PCDHA1: variants seen among roughly 807,000 people sequenced by gnomAD.
The protein encoded by PCDHA1 is protocadherin alpha-1.
A neutral mutation model predicts 61.3 loss-of-function variants in PCDHA1; 42 were observed. The ratio of observed to expected loss-of-function variants is 0.69; its 90% CI spans 0.54 to 0.89. PCDHA1 has a LOEUF of 0.89. Among genes scored for constraint, PCDHA1 ranks in the 40% least tolerant of loss-of-function variants. The pLI is 0.00. For missense variants in PCDHA1, 1,256 were observed against 1,235.3 expected (o/e 1.02, Z -0.25); for synonymous variants, 610 against 553.8 (o/e 1.10, Z -1.43).
At chr5:140,863,029 G>C (rs782621997) in intron 1 of PCDHA1, 1 of 556,606 alleles carries the variant, frequency 1.8e-6, no homozygotes, top group Non-Finnish European at 3.5e-6. Context: ...TGTCGCAACA[G>C]CTGCATCTGT....
chr5:140,851,627 C>G (rs1278178767), intron 1 of PCDHA1: 1 of 918,180 alleles, frequency 1.1e-6, no homozygotes, highest in Admixed American at 6.3e-5. Context: ...GCTTTTTAAA[C>G]AAGTGTTTCC....
chr5:140,822,398 G>A (rs2150116065), intron 1 of PCDHA1: 2 of 1,614,062 alleles, frequency 1.2e-6, no homozygotes, highest in East Asian at 2.2e-5. Context: ...CAAGAACACC[G>A]TTTATTAGTG....
intron 1 of PCDHA1, chr5:140,968,014 A>G: frequency 6.2e-7 from 1 of 1,614,194 alleles, no homozygotes; most frequent in Non-Finnish European, 8.5e-7. Flanking sequence ...ATGGCTTTGG[A>G]AACTCCTATA....
intron 1 of PCDHA1, chr5:140,869,467 G>A: frequency 6.2e-7 from 1 of 1,614,204 alleles, no homozygotes; most frequent in South Asian, 1.1e-5. Context: ...TGTGAACGTG[G>A]AGGTGAAGGA....
chr5:140,876,754 C>T, intron 1 of PCDHA1: 2 of 1,614,210 alleles, frequency 1.2e-6, no homozygotes, highest in Non-Finnish European at 1.7e-6. Context: ...GGTGACTGCG[C>T]GGGATGGGGG....
chr5:140,868,356 T>A (rs1465427202), intron 1 of PCDHA1: 1 of 152,118 alleles, frequency 6.6e-6, no homozygotes, highest in Non-Finnish European at 1.5e-5. Flanking sequence ...AGAAAGCAAT[T>A]AAATGTAAAT....
At chr5:140,806,815 C>T in intron 1 of PCDHA1, 1 of 223,488 alleles carries the variant, frequency 4.5e-6, no homozygotes, top group Non-Finnish European at 8.9e-6. Flanking sequence ...GTAAAAGTTG[C>T]CCCTATGGCG....
intron 1 of PCDHA1, chr5:140,862,692 G>A (rs1354476181): frequency 3.2e-5 from 18 of 555,384 alleles, no homozygotes; most frequent in Admixed American, 5.8e-5. Flanking sequence ...TGTCCTACTC[G>A]TTGATGGAAC....
At chr5:141,002,610 C>T (rs1191320958) in intron 3 of PCDHA1, among the ~76,000 whole-genome samples, 1 of 152,200 alleles carries the variant, frequency 6.6e-6, no homozygotes, top group Non-Finnish European at 1.5e-5. Context: ...ATAAAACAGA[C>T]ACATAACACA....
chr5:140,819,401 A>G (rs2150104074), intron 1 of PCDHA1, among the ~76,000 whole-genome samples: 3 of 152,296 alleles, frequency 2.0e-5, no homozygotes, highest in South Asian at 4.1e-4. Context: ...AGTGAATTAA[A>G]TGGAGACACT....
intron 1 of PCDHA1, among the ~76,000 whole-genome samples, chr5:140,893,926 C>G (rs1481035774): frequency 6.6e-6 from 1 of 152,180 alleles, no homozygotes; most frequent in Non-Finnish European, 1.5e-5. Context: ...TTTTCAGAAT[C>G]TCTACCTGTT....
intron 1 of PCDHA1, among the ~76,000 whole-genome samples, chr5:140,974,338 A>G (rs1554235945): frequency 6.6e-6 from 1 of 152,212 alleles, no homozygotes; most frequent in Non-Finnish European, 1.5e-5. Flanking sequence ...CTAGCAGGCT[A>G]TGCATCCAGA....
chr5:140,877,150 G>A (rs370292278), intron 1 of PCDHA1: 11 of 1,613,672 alleles, frequency 6.8e-6, no homozygotes, highest in Admixed American at 3.3e-5. Context: ...GGACGAGAAC[G>A]ACAACGCGCC....
chr5:140,814,959 A>G, intron 1 of PCDHA1: 1 of 152,090 alleles, frequency 6.6e-6, no homozygotes, highest in East Asian at 1.9e-4. Flanking sequence ...GTCTCTTATG[A>G]CACTTTTTGA....
intron 1 of PCDHA1, among the ~76,000 whole-genome samples, chr5:140,837,439 T>C (rs1775044466): frequency 6.6e-6 from 1 of 151,980 alleles, no homozygotes; most frequent in African/African-American, 2.4e-5. Flanking sequence ...TGAAATCTAG[T>C]ACGTAGTAAA....
chr5:140,843,597 G>A, intron 1 of PCDHA1: 1 of 1,596,060 alleles, frequency 6.3e-7, no homozygotes. Flanking sequence ...CAGAGGGTGT[G>A]CTCTGGTGAG....
chr5:140,839,667 G>A (rs1375568663), intron 1 of PCDHA1, among the ~76,000 whole-genome samples: 4 of 152,038 alleles, frequency 2.6e-5, no homozygotes, highest in African/African-American at 4.8e-5. Context: ...CTACTATTTA[G>A]AGTCAACTAC....
At chr5:140,814,317 A>C (rs1554126480) in intron 1 of PCDHA1, 1 of 152,002 alleles carries the variant, frequency 6.6e-6, no homozygotes, top group Non-Finnish European at 1.5e-5. Context: ...TTCCACCTCC[A>C]TATCTTGTCC....
chr5:140,803,564 G>C, intron 1 of PCDHA1: 4 of 1,614,200 alleles, frequency 2.5e-6, no homozygotes, highest in Non-Finnish European at 2.5e-6. Context: ...AGGAGAAACA[G>C]GATGTGGACG....
Sources: allele counts gnomAD v4.1 joint callset (sites outside exome capture counted in the v4.1 genomes callset), GRCh38; gene constraint gnomAD v4.1.1; transcripts MANE v1.5; gene names NCBI Gene and HGNC (gene_info 2026-07-23, HGNC 2026-07-21).